Variants in KLF12 observed in about 807,000 individuals in gnomAD.
KLF12 encodes KLF transcription factor 12.
A neutral mutation model predicts 37.8 loss-of-function variants in KLF12; 9 were observed. The ratio of observed to expected loss-of-function variants is 0.24; its 90% confidence interval spans 0.14 to 0.42. The LOEUF is 0.42. KLF12 is among the 10% of genes least tolerant of loss of function. KLF12 has a pLI of 1.00. For missense variants in KLF12, 411 were observed against 516.0 expected (o/e 0.80, Z 1.97); for synonymous variants, 208 against 202.1 (o/e 1.03, Z -0.25).
the KLF12 span, among the ~76,000 whole-genome samples, chr13:74,260,673 T>C: frequency 6.6e-6 from 1 of 151,456 alleles, no homozygotes; most frequent in East Asian, 1.9e-4. Context: ...AAATTGGGCT[T>C]CAAATGGAAA....
intron 2 of KLF12, among the ~76,000 whole-genome samples, chr13:73,956,724 C>T (rs192819176): frequency 1.2e-3 from 185 of 152,148 alleles, no homozygotes; most frequent in African/African-American, 3.2e-3. Context: ...AGTTTCAGAC[C>T]AGCCCTGGCA....
At chr13:73,764,349 G>A (rs1016378288) in intron 6 of KLF12, among the ~76,000 whole-genome samples, 4 of 151,696 alleles carry the variant, frequency 2.6e-5, no homozygotes, top group Admixed American at 6.6e-5. Context: ...ACTTTAAATC[G>A]CTTCTCTAAA....
the KLF12 span, among the ~76,000 whole-genome samples, chr13:74,262,678 T>A: frequency 6.6e-6 from 1 of 152,218 alleles, no homozygotes; most frequent in African/African-American, 2.4e-5. Context: ...TTTTTTTTGA[T>A]CCACAGTTGG....
chr13:73,695,948 G>A (rs1874115708), intron 7 of KLF12, among the ~76,000 whole-genome samples: 1 of 152,068 alleles, frequency 6.6e-6, no homozygotes. Context: ...ACTGCCACTG[G>A]ATATATCACC....
chr13:73,713,005 C>T (rs910142531), intron 7 of KLF12, among the ~76,000 whole-genome samples: 8 of 152,030 alleles, frequency 5.3e-5, no homozygotes, highest in African/African-American at 1.7e-4. Flanking sequence ...CTTTGAGGTA[C>T]GCCTGTATTA....
At chr13:73,945,514 A>G (rs1000803755) in intron 2 of KLF12, among the ~76,000 whole-genome samples, 7 of 152,188 alleles carry the variant, frequency 4.6e-5, no homozygotes, top group African/African-American at 1.7e-4. Context: ...CAAATCATAA[A>G]TTACATGTTC....
At chr13:74,280,838 T>C in the KLF12 span, among the ~76,000 whole-genome samples, 7 of 148,600 alleles carry the variant, frequency 4.7e-5, no homozygotes, top group African/African-American at 1.8e-4. Context: ...TTTTTTTTTT[T>C]TTTGCCAAGG....
chr13:73,701,093 T>C (rs1171536918), intron 7 of KLF12, among the ~76,000 whole-genome samples: 2 of 152,184 alleles, frequency 1.3e-5, no homozygotes, highest in Non-Finnish European at 2.9e-5. Flanking sequence ...AATATAATTT[T>C]TAAGAAGTCA....
chr13:73,704,130 C>T (rs1008536325), intron 7 of KLF12, among the ~76,000 whole-genome samples: 5 of 152,068 alleles, frequency 3.3e-5, no homozygotes, highest in African/African-American at 1.2e-4. Context: ...GTTGCATAAA[C>T]GTTTCCAAAG....
intron 1 of KLF12, among the ~76,000 whole-genome samples, chr13:74,032,119 ATGT>A (rs1457438995): frequency 6.6e-6 from 1 of 152,134 alleles, no homozygotes; most frequent in African/African-American, 2.4e-5. Flanking sequence ...AATCCATGGA[ATGT>A]TGTTGGTGCA....
chr13:74,167,156 A>C, the KLF12 span, among the ~76,000 whole-genome samples: 1 of 152,194 alleles, frequency 6.6e-6, no homozygotes, highest in Non-Finnish European at 1.5e-5. Flanking sequence ...TTTTCATTTT[A>C]TTCTTTGCCT....
chr13:73,841,612 C>A (rs1372185237), intron 4 of KLF12, among the ~76,000 whole-genome samples: 1 of 152,108 alleles, frequency 6.6e-6, no homozygotes, highest in African/African-American at 2.4e-5. Flanking sequence ...GACTTAAATT[C>A]CTTTGTGAGG....
chr13:73,745,189 C>T (rs1878274627), intron 6 of KLF12, among the ~76,000 whole-genome samples: 1 of 152,226 alleles, frequency 6.6e-6, no homozygotes, highest in African/African-American at 2.4e-5. Flanking sequence ...CTGTTTTGCA[C>T]ATGTGCTCTT....
intron 5 of KLF12, chr13:73,800,408 T>G (rs925802199): frequency 1.2e-4 from 18 of 152,182 alleles, no homozygotes; most frequent in African/African-American, 4.3e-4. Flanking sequence ...TAAAATTAGC[T>G]AAAACTTACG....
the KLF12 span, among the ~76,000 whole-genome samples, chr13:74,287,147 A>G: frequency 6.6e-6 from 1 of 151,996 alleles, no homozygotes; most frequent in Non-Finnish European, 1.5e-5. Context: ...CCATCAGCCT[A>G]CCTCTTCCTT....
In KLF12 at chr13:74,042,079, G is replaced by T. The variant is rs532519108; in HGVS notation, c.-31-47026C>A. On this transcript the variant is annotated intron_variant, in intron 1 of 7. Transcript: ENST00000377669. ...AGCACTTTAGGAGGCTGAGGTGGGT[G>T]GATCACTTTAGGTGAGGAGTTCAAG... is the stretch of plus-strand genomic sequence containing the variant. Among the ~76,000 whole-genome samples, 6 of 152,186 alleles carry T rather than the reference G, an allele frequency of 3.9e-5. No homozygotes were observed. The South Asian group carries it at 1.2e-3, about 32-fold the overall frequency.
the KLF12 span, among the ~76,000 whole-genome samples, chr13:74,170,206 G>A: frequency 3.9e-5 from 6 of 152,226 alleles, no homozygotes; most frequent in South Asian, 1.2e-3. Flanking sequence ...AGAAAGCATA[G>A]AGTATATTAT....
At chr13:73,741,590 C>T (rs1367527459) in intron 6 of KLF12, among the ~76,000 whole-genome samples, 1 of 152,164 alleles carries the variant, frequency 6.6e-6, no homozygotes, top group Non-Finnish European at 1.5e-5. Flanking sequence ...ATGGAACCTT[C>T]AGAGCTTCAG....
chr13:73,706,359 G>T (rs904094696), intron 7 of KLF12, among the ~76,000 whole-genome samples: 5 of 152,062 alleles, frequency 3.3e-5, no homozygotes, highest in Non-Finnish European at 7.4e-5. Flanking sequence ...AGGTTTAGAA[G>T]TCTTTTCTAA....
Sources: allele counts gnomAD v4.1 joint callset (sites outside exome capture counted in the v4.1 genomes callset), GRCh38; gene constraint gnomAD v4.1.1; transcripts MANE v1.5; gene names NCBI Gene and HGNC (gene_info 2026-07-23, HGNC 2026-07-21).